The following PLAC1 variants were observed in gnomAD, a reference collection of about 807,000 sequenced individuals.
PLAC1 encodes the protein placenta associated 1, also known as placenta-specific protein 1.
For missense variants in PLAC1, 136 were observed against 163.2 expected, an observed-to-expected ratio of 0.83 and a Z score of 0.91; for synonymous variants, 68 against 62.1, an observed-to-expected ratio of 1.09 and a Z score of -0.44.
intron 1 of PLAC1, among the ~76,000 whole-genome samples, chrX:134,641,874 G>C (rs1287697977): frequency 8.9e-6 from 1 of 112,128 alleles, no homozygotes; most frequent in Non-Finnish European, 1.9e-5. Context: ...CTGGACACAA[G>C]TAATAAAAAA....
At chrX:134,704,737 A>G (rs1220444912) in intron 2 of PLAC1, among the ~76,000 whole-genome samples, 1 of 104,568 alleles carries the variant, frequency 9.6e-6, no homozygotes, top group Non-Finnish European at 1.9e-5. Context: ...TCACACCTGT[A>G]ATCCCAGCAC....
chrX:134,639,822 A>G (rs745861345), intron 1 of PLAC1, among the ~76,000 whole-genome samples: 1 of 112,308 alleles, frequency 8.9e-6, no homozygotes, highest in East Asian at 2.8e-4. Context: ...AAATCATACA[A>G]TATGAGGCCT....
intron 2 of PLAC1, among the ~76,000 whole-genome samples, chrX:134,578,812 G>A (rs2077958430): frequency 9.2e-6 from 1 of 108,906 alleles, no homozygotes; most frequent in Non-Finnish European, 1.9e-5. Context: ...GGGTGGGGCT[G>A]GGGAAATCTC....
chrX:134,609,957 A>G (rs1486370018), intron 1 of PLAC1, among the ~76,000 whole-genome samples: 1 of 106,740 alleles, frequency 9.4e-6, no homozygotes, highest in African/African-American at 3.4e-5. Flanking sequence ...GCAGCATTAA[A>G]TAGACATTGT....
At chrX:134,723,202 A>C (rs2078663588) in intron 2 of PLAC1, among the ~76,000 whole-genome samples, 2 of 111,685 alleles carry the variant, frequency 1.8e-5, no homozygotes, top group Non-Finnish European at 3.8e-5. Context: ...TTTATGGTAA[A>C]AATCAAGTAT....
chrX:134,581,802 G>T (rs988526850), intron 2 of PLAC1, among the ~76,000 whole-genome samples: 2 of 110,643 alleles, frequency 1.8e-5, no homozygotes, highest in Non-Finnish European at 3.8e-5. Flanking sequence ...TCTTTATGAA[G>T]AATCCTATAT....
intron 2 of PLAC1, among the ~76,000 whole-genome samples, chrX:134,670,028 C>A (rs772452517): frequency 9.3e-6 from 1 of 108,028 alleles, no homozygotes; most frequent in South Asian, 4.3e-4. Context: ...ACCCCACCCC[C>A]ACCCTGAGAA....
chrX:134,638,271 C>G (rs993084534), intron 1 of PLAC1, among the ~76,000 whole-genome samples: 3 of 111,954 alleles, frequency 2.7e-5, no homozygotes, highest in African/African-American at 9.7e-5. Flanking sequence ...TAAAAATGAC[C>G]ATTTTTCACA....
At chrX:134,670,167 G>GC (rs1325707111) in intron 2 of PLAC1, among the ~76,000 whole-genome samples, 1 of 110,148 alleles carries the variant, frequency 9.1e-6, no homozygotes, top group East Asian at 2.9e-4. Context: ...GGAGCTCCCA[G>GC]CCCAGCCTTC....
intron 2 of PLAC1, among the ~76,000 whole-genome samples, chrX:134,596,839 C>A (rs1355793026): frequency 1.8e-5 from 2 of 110,488 alleles, no homozygotes; most frequent in Non-Finnish European, 3.8e-5. Context: ...TCAAGCAATC[C>A]ACCCGCCTTG....
chrX:134,617,719 G>A, intron 1 of PLAC1, among the ~76,000 whole-genome samples: 1 of 111,970 alleles, frequency 8.9e-6, no homozygotes. Flanking sequence ...GCATTGTCAT[G>A]GAATTCTTGC....
At chrX:134,642,280 T>A (rs1032048738) in intron 1 of PLAC1, among the ~76,000 whole-genome samples, 4 of 111,761 alleles carry the variant, frequency 3.6e-5, no homozygotes, top group African/African-American at 9.7e-5. Context: ...ACCAAGGGTA[T>A]TTTTTTCCTT....
At chrX:134,592,872 C>T (rs2124377488) in intron 2 of PLAC1, among the ~76,000 whole-genome samples, 1 of 109,080 alleles carries the variant, frequency 9.2e-6, no homozygotes, top group South Asian at 4.2e-4. Flanking sequence ...ACTACAGGTG[C>T]CCGCCACCAC....
intron 1 of PLAC1, chrX:134,605,448 A>G (rs2078117952): frequency 8.9e-6 from 1 of 112,230 alleles, no homozygotes. Context: ...TTATTTGCCC[A>G]TGGGGAAAGG....
chrX:134,600,735 G>A (rs897844979), intron 2 of PLAC1: 4 of 110,454 alleles, frequency 3.6e-5, no homozygotes, highest in Admixed American at 1.9e-4. Context: ...ATGAATGTCA[G>A]CCCTCTAGCA....
chrX:134,764,029 T>C (rs1019804738), intron 1 of PLAC1, among the ~76,000 whole-genome samples: 1 of 111,495 alleles, frequency 9.0e-6, no homozygotes, highest in South Asian at 3.8e-4. Flanking sequence ...ATTATGTATA[T>C]TTTAAGATTT....
intron 1 of PLAC1, among the ~76,000 whole-genome samples, chrX:134,619,958 G>T (rs757562500): frequency 8.9e-6 from 1 of 112,128 alleles, no homozygotes; most frequent in South Asian, 3.7e-4. Context: ...TTTTTTGTTT[G>T]TTTGTTTGTT....
At chrX:134,670,197 C>G (rs2078451081) in intron 2 of PLAC1, among the ~76,000 whole-genome samples, 1 of 110,309 alleles carries the variant, frequency 9.1e-6, no homozygotes, top group African/African-American at 3.3e-5. Context: ...CTGAAAAGCC[C>G]AACACCCCTG....
chrX:134,609,715 C>T (rs5978021), intron 1 of PLAC1, among the ~76,000 whole-genome samples: 47,496 of 110,234 alleles, frequency 0.43, 8,056 homozygotes, highest in East Asian at 0.9. Flanking sequence ...TCCTGCCTCA[C>T]GTGGCCTTTC....
Sources: gnomAD v4.1 joint callset for allele counts (sites outside exome capture counted in the v4.1 genomes callset) on GRCh38, gnomAD v4.1.1 for gene constraint, MANE v1.5 for transcripts, NCBI Gene and HGNC (gene_info 2026-07-23, HGNC 2026-07-21) for gene names.